Variants in ST6GAL2 observed in about 807,000 individuals in gnomAD.
ST6GAL2 encodes the protein ST6 beta-galactoside alpha-2,6-sialyltransferase 2, also known as beta-galactoside alpha-2,6-sialyltransferase 2.
A neutral mutation model predicts 37.5 loss-of-function variants in ST6GAL2; 24 were observed. The ratio of observed to expected loss-of-function variants is 0.64; its 90% confidence interval spans 0.46 to 0.90. ST6GAL2 has a LOEUF of 0.90. Among genes scored for constraint, ST6GAL2 ranks in the 40% least tolerant of loss-of-function variants. The probability of loss-of-function intolerance (pLI) is 0.00; values close to 1 mark genes in which losing one functional copy is unlikely to be tolerated. For synonymous variants in ST6GAL2, 306 were observed against 295.1 expected (o/e 1.04, Z -0.38); for missense variants, 715 against 712.7 (o/e 1.00, Z -0.04).
chr2:106,833,788 A>AAT (rs1374816509), intron 3 of ST6GAL2, among the ~76,000 whole-genome samples: 1 of 152,056 alleles, frequency 6.6e-6, no homozygotes, highest in Non-Finnish European at 1.5e-5. Flanking sequence ...TATGATTATA[A>AAT]ATATATATAT....
chr2:106,852,295 C>T (rs1179211128), intron 1 of ST6GAL2, among the ~76,000 whole-genome samples: 1 of 152,236 alleles, frequency 6.6e-6, no homozygotes, highest in Non-Finnish European at 1.5e-5. Context: ...AGCCCCCCTG[C>T]AGGCAGTGCC....
intron 5 of ST6GAL2, among the ~76,000 whole-genome samples, chr2:106,814,344 G>A (rs1250785595): frequency 6.6e-6 from 1 of 152,110 alleles, no homozygotes; most frequent in East Asian, 1.9e-4. Flanking sequence ...GATTCCAAAA[G>A]CCAATATAAA....
chr2:106,810,694 A>G (rs1284256067), intron 5 of ST6GAL2, among the ~76,000 whole-genome samples: 2 of 148,374 alleles, frequency 1.3e-5, no homozygotes, highest in Non-Finnish European at 2.9e-5. Flanking sequence ...TCACGCCTGG[A>G]ATCCCAGTAC....
intron 5 of ST6GAL2, among the ~76,000 whole-genome samples, chr2:106,807,705 G>A (rs1389376321): frequency 2.7e-5 from 4 of 146,822 alleles, no homozygotes; most frequent in Non-Finnish European, 4.5e-5. Context: ...CTCACTGCAA[G>A]CTCCCCCTTC....
intron 1 of ST6GAL2, among the ~76,000 whole-genome samples, chr2:106,861,350 G>T (rs1412200448): frequency 6.6e-6 from 1 of 152,050 alleles, no homozygotes; most frequent in Non-Finnish European, 1.5e-5. Context: ...CTCCCAATTT[G>T]TGAATAAGTC....
intron 1 of ST6GAL2, among the ~76,000 whole-genome samples, chr2:106,869,624 A>C (rs186538951): frequency 2.0e-4 from 30 of 152,318 alleles, no homozygotes; most frequent in African/African-American, 6.5e-4. Flanking sequence ...CAAAGCTGTC[A>C]GTCAGACCTT....
At chr2:106,826,073 T>A (rs1346667461) in intron 5 of ST6GAL2, among the ~76,000 whole-genome samples, 2 of 152,182 alleles carry the variant, frequency 1.3e-5, no homozygotes, top group African/African-American at 4.8e-5. Context: ...TTTTAGAGTC[T>A]CTCTATTTCA....
intron 3 of ST6GAL2, among the ~76,000 whole-genome samples, 182 bp from the exon 4 acceptor site, chr2:106,832,848 G>A (rs1384666443): frequency 1.3e-5 from 2 of 152,258 alleles, no homozygotes; most frequent in African/African-American, 4.8e-5. Flanking sequence ...GAATGTTTGA[G>A]GAAATTACTT....
chr2:106,830,678 G>A lies in ST6GAL2; in HGVS notation c.1144-438C>T, dbSNP rs116495638. Among the ~76,000 whole-genome samples, 768 of 152,246 alleles carry A rather than the reference G, an allele frequency of 5.0e-3. 7 individuals are homozygous for A. Among genetic ancestry groups the A allele is most frequent in the African/African-American group, 0.017 (715 of 41,538 alleles). On this transcript the variant is annotated intron_variant, in intron 4 of 5. Coordinates refer to ENST00000409382, the MANE Select transcript of ST6GAL2 (RefSeq NM_001142351.2). ...TTAAAACAGGTGGTGGCTAGATTTC[G>A]CCCATGGGTGTAGTTTGTTGACCCC...
intron 3 of ST6GAL2, among the ~76,000 whole-genome samples, chr2:106,833,405 GCCTGGTGC>G (rs1329511223): frequency 1.7e-4 from 26 of 152,298 alleles, no homozygotes; most frequent in Middle Eastern, 3.4e-3. Context: ...GCGGCAGGCT[GCCTGGTGC>G]AGTGAACTGT....
intron 5 of ST6GAL2, among the ~76,000 whole-genome samples, chr2:106,820,919 T>C (rs79062387): frequency 0.098 from 14,834 of 151,804 alleles, 1,000 homozygotes; most frequent in African/African-American, 0.15. Flanking sequence ...TGAAAAAATT[T>C]AGAAAAAAAA....
chr2:106,830,192 G>C lies in ST6GAL2; in HGVS notation c.1192C>G (p.Arg398Gly). 1.2e-6 allele frequency: 2 copies of C among 1,613,740 alleles called. No homozygotes were observed. Among genetic ancestry groups the C allele is most frequent in the Non-Finnish European group, 1.7e-6 (2 of 1,179,996 alleles). The part of the protein sequence containing the change: ...YNLFTPYIQH[R>G]QRNPNQPFYI... ...AATGGCTGATTTGGGTTTCTCTGAC[G>C]ATGCTGAATATATGGAGTGAACAGG... The change falls in exon 5 of 6, where the codon CGT (arginine) becomes GGT (glycine). Residue 398 changes from arginine to glycine, a missense_variant. Coordinates refer to ENST00000409382, the MANE Select transcript of ST6GAL2 (RefSeq NM_001142351.2).
At chr2:106,834,762 C>G (rs114857976) in intron 2 of ST6GAL2, 1 of 152,384 alleles carries the variant, frequency 6.6e-6, no homozygotes, top group East Asian at 1.9e-4. Context: ...GCAGCAATAG[C>G]CTGCCAGACC....
At chr2:106,886,517 G>C (rs1157844623), upstream of ST6GAL2, 4 of 151,864 alleles carry the variant, frequency 2.6e-5, no homozygotes, top group Non-Finnish European at 4.4e-5. Flanking sequence ...GCCGGCGGGA[G>C]GCTACGCTCA....
chr2:106,830,251 A>T lies in ST6GAL2; in HGVS notation c.1144-11T>A. On this transcript the variant is annotated splice_polypyrimidine_tract_variant and intron_variant, in intron 4 of 5. Transcript: ENST00000409382. ...CGGTTTTTTGTACCACTAAGGAAAAAAAAATCAATGCAGTCAAGTAGAAAG... is the reference window on the plus strand; with the variant it reads ...CGGTTTTTTGTACCACTAAGGAAAATAAAATCAATGCAGTCAAGTAGAAAG... 6.2e-7 allele frequency: 1 copy of T among 1,604,272 alleles called. No individual in the cohort carries two copies. Among genetic ancestry groups the T allele is most frequent in the South Asian group, 1.1e-5 (1 of 90,540 alleles).
intron 1 of ST6GAL2, among the ~76,000 whole-genome samples, chr2:106,847,805 CCT>C (rs1677202195): frequency 6.6e-6 from 1 of 151,996 alleles, no homozygotes; most frequent in Non-Finnish European, 1.5e-5. Context: ...GCAGTTCCAC[CCT>C]CTTTCCCTGT....
At position 106,843,471 on chromosome 2, in the gene ST6GAL2, C is replaced by G. The variant is rs1677003081; in HGVS notation, c.507G>C (p.Gln169His). Residue 169 changes from glutamine to histidine, a missense_variant, in exon 2 of 6, where the codon CAG becomes CAC. By Grantham distance (24) the Gln-to-His change is conservative. Coordinates refer to ENST00000409382, the MANE Select transcript of ST6GAL2 (RefSeq NM_001142351.2). ...REGAFPAAQV[Q>H]RRRVKKRHRR... ...GGTGCCTCTTCTTCACCCGCCTCCT[C>G]TGGACCTGTGCAGCCGGAAAAGCCC... 1.9e-6 allele frequency: 3 copies of G among 1,613,998 alleles called. No homozygotes were observed.
chr2:106,868,033 TAAGA>T (rs1190843505), intron 1 of ST6GAL2, among the ~76,000 whole-genome samples: 3 of 152,316 alleles, frequency 2.0e-5, no homozygotes, highest in East Asian at 3.9e-4. Flanking sequence ...TTACGCTGCT[TAAGA>T]AAGAGCCAAA....
In ST6GAL2 at chr2:106,843,633, C is replaced by A. The variant is rs1677017285; in HGVS notation, c.345G>T (p.Gln115His). The A allele has an allele frequency of 8.7e-6, 14 of 1,613,846 alleles. No individual in the cohort carries two copies. The highest frequency in any genetic ancestry group is 1.1e-5 in the Non-Finnish European group (13 of 1,180,014). Reference sequence around the variant, plus strand: ...AAGCACTTTGAGATTTTCTCCCCACCTGGGATGAAAAAAACTCTTTATGTT... The same window carrying A: ...AAGCACTTTGAGATTTTCTCCCCACATGGGATGAAAAAAACTCTTTATGTT... ...GFEHKEFFSS[Q>H]VGRKSQSAFY... The change falls in exon 2 of 6, where the codon CAG becomes CAT. Residue 115 changes from glutamine (Q) to histidine (H), a missense_variant. Physicochemically the swap from Gln to His is conservative, Grantham distance 24. This residue lies in a region of ST6GAL2 where 512 missense variants were observed against 488.8 expected (regional missense o/e 1.05). Coordinates refer to ENST00000409382, the MANE Select transcript of ST6GAL2 (RefSeq NM_001142351.2).
Sources: allele counts gnomAD v4.1 joint callset (sites outside exome capture counted in the v4.1 genomes callset), GRCh38; gene constraint gnomAD v4.1.1; regional missense constraint gnomAD v4.1.1; transcripts MANE v1.5; gene names NCBI Gene and HGNC (gene_info 2026-07-23, HGNC 2026-07-21).